Variants in OR2L13 observed in about 807,000 individuals in gnomAD.
OR2L13 encodes olfactory receptor 2L13.
OR2L13 carries 14 observed loss-of-function variants against 15.3 expected under a neutral mutation model. That is an observed-to-expected ratio of 0.91 (90% CI 0.60 to 1.43). The LOEUF (loss-of-function observed/expected upper bound fraction) is 1.43, where lower values mean the gene tolerates loss of function less well. Ranked by LOEUF, OR2L13 falls within the 40% of genes most tolerant of loss-of-function variation. OR2L13 has a pLI of 0.00. For synonymous variants in OR2L13, 152 were observed against 142.9 expected, an observed-to-expected ratio of 1.06 and a Z score of -0.45; for missense variants, 367 against 387.9, an observed-to-expected ratio of 0.95 and a Z score of 0.45.
At chr1:248,037,870 G>GTTCT in the OR2L13 span, among the ~76,000 whole-genome samples, 19 of 152,250 alleles carry the variant, frequency 1.2e-4, no homozygotes, top group African/African-American at 4.6e-4. Flanking sequence ...ACATCACAGT[G>GTTCT]CCTACCTTGT....
At chr1:248,084,604 C>T in the OR2L13 span, 24 of 1,595,182 alleles carry the variant, frequency 1.5e-5, no homozygotes, top group Non-Finnish European at 2.0e-5. Context: ...CATAATTTCC[C>T]CTGGTGTGAT....
the OR2L13 span, among the ~76,000 whole-genome samples, chr1:248,064,597 G>A: frequency 6.6e-6 from 1 of 152,192 alleles, no homozygotes; most frequent in African/African-American, 2.4e-5. Flanking sequence ...GTGGTGCCCA[G>A]TTCAGACCCT....
chr1:247,982,647 T>C, the OR2L13 span, among the ~76,000 whole-genome samples: 1 of 152,190 alleles, frequency 6.6e-6, no homozygotes, highest in Non-Finnish European at 1.5e-5. Flanking sequence ...GAAACTTTTA[T>C]ATTGGGAACA....
chr1:248,095,607 CTTTTT>C (rs780686820), upstream of OR2L13, among the ~76,000 whole-genome samples: 26 of 37,308 alleles, frequency 7.0e-4, 5 homozygotes, highest in Admixed American at 1.3e-3. Context: ...AAAGCTGCTG[CTTTTT>C]TTTTTTTTTT....
the OR2L13 span, among the ~76,000 whole-genome samples, chr1:248,026,619 C>T: frequency 6.6e-6 from 1 of 152,156 alleles, no homozygotes; most frequent in African/African-American, 2.4e-5. Context: ...AATGGAGGGA[C>T]CGGCTGAAGC....
chr1:248,018,523 C>T, the OR2L13 span, among the ~76,000 whole-genome samples: 4 of 152,000 alleles, frequency 2.6e-5, no homozygotes, highest in Non-Finnish European at 5.9e-5. Flanking sequence ...CACAAATTAC[C>T]AGAGGTCATA....
the OR2L13 span, chr1:248,061,624 C>T: frequency 1.2e-6 from 2 of 1,607,984 alleles, no homozygotes; most frequent in Admixed American, 1.7e-5. Context: ...AATGTAGAAA[C>T]ATTTTCTACC....
the OR2L13 span, chr1:248,038,522 G>T: frequency 4.3e-6 from 7 of 1,614,108 alleles, no homozygotes; most frequent in Non-Finnish European, 5.1e-6. Context: ...ATGATTTTCT[G>T]TATGGAAACA....
chr1:247,961,358 G>T, the OR2L13 span, among the ~76,000 whole-genome samples: 121,381 of 152,006 alleles, frequency 0.8, 52,642 homozygotes, highest in South Asian at 0.95. Flanking sequence ...ATTGAGAACT[G>T]GGTCTTGGAA....
the OR2L13 span, among the ~76,000 whole-genome samples, chr1:248,035,246 C>T: frequency 6.6e-6 from 1 of 151,822 alleles, no homozygotes; most frequent in African/African-American, 2.4e-5. Flanking sequence ...GTCAGGAGAT[C>T]GAGACCATCC....
the OR2L13 span, among the ~76,000 whole-genome samples, chr1:248,086,633 T>G: frequency 3.9e-5 from 6 of 152,198 alleles, no homozygotes; most frequent in East Asian, 7.7e-4. Context: ...CAGCTATATT[T>G]ATTTGTTAAG....
the OR2L13 span, among the ~76,000 whole-genome samples, chr1:248,076,727 T>C: frequency 6.6e-6 from 1 of 152,230 alleles, no homozygotes; most frequent in Non-Finnish European, 1.5e-5. Context: ...GCTTATCAGC[T>C]TAAGGAGTTT....
At chr1:248,037,935 T>C in the OR2L13 span, among the ~76,000 whole-genome samples, 1 of 152,216 alleles carries the variant, frequency 6.6e-6, no homozygotes, top group Admixed American at 6.5e-5. Flanking sequence ...AAGCATTTTG[T>C]CATCACAAGA....
chr1:247,947,078 TCTTA>T, the OR2L13 span, among the ~76,000 whole-genome samples: 90 of 152,320 alleles, frequency 5.9e-4, no homozygotes, highest in Middle Eastern at 6.8e-3. Context: ...AATAGAGTTT[TCTTA>T]CTTTGTCTTT....
chr1:248,100,908 G>A lies in OR2L13; in HGVS notation c.*594G>A, dbSNP rs144962974. 627 of 164,380 alleles carry A rather than the reference G, an allele frequency of 3.8e-3. 2 individuals are homozygous for A. The highest frequency in any genetic ancestry group is 6.5e-3 in the Non-Finnish European group (444 of 68,090). The allele number at this position is 164,380 out of a possible 1,614,324, so 10.2% of individuals were successfully genotyped here. Reference sequence around the variant, plus strand: ...TGAACTGAAAATTAACAAGTAAAATGCACATGCTAAGGTAGTGTTTATGTG... The same window carrying A: ...TGAACTGAAAATTAACAAGTAAAATACACATGCTAAGGTAGTGTTTATGTG... On this transcript the variant is annotated 3_prime_UTR_variant, in exon 3 of 3. Coordinates refer to ENST00000641714, the Ensembl canonical transcript of OR2L13.
chr1:247,975,171 A>T, the OR2L13 span: 4 of 401,828 alleles, frequency 1.0e-5, no homozygotes, highest in Non-Finnish European at 2.0e-5. Context: ...GCTGATGATA[A>T]TAGGATCTTG....
At chr1:248,038,592 G>T in the OR2L13 span, 1 of 1,614,146 alleles carries the variant, frequency 6.2e-7, no homozygotes, top group Non-Finnish European at 8.5e-7. Context: ...TTTAGCAGTT[G>T]CAGAAGGGCT....
chr1:248,030,028 C>G, the OR2L13 span: 2 of 152,072 alleles, frequency 1.3e-5, no homozygotes, highest in Non-Finnish European at 2.9e-5. Flanking sequence ...CATTCTCCAG[C>G]TAAAAAGGAC....
chr1:248,083,026 A>G, the OR2L13 span, among the ~76,000 whole-genome samples: 1 of 152,232 alleles, frequency 6.6e-6, no homozygotes, highest in East Asian at 1.9e-4. Flanking sequence ...TAAATTTAAA[A>G]AGGTTTGCCT....
Sources: allele counts gnomAD v4.1 joint callset (sites outside exome capture counted in the v4.1 genomes callset), GRCh38; gene constraint gnomAD v4.1.1; transcripts MANE v1.5; gene names NCBI Gene and HGNC (gene_info 2026-07-23, HGNC 2026-07-21).